EXOC4: variants seen among roughly 807,000 people sequenced by gnomAD.
EXOC4 encodes the protein SEC8-like 1.
A neutral mutation model predicts 107.2 loss-of-function variants in EXOC4; 71 were observed. The ratio of observed to expected loss-of-function variants is 0.66; its 90% CI spans 0.55 to 0.81. EXOC4 has a LOEUF of 0.81. Ranked by LOEUF, EXOC4 falls within the 30% of genes least tolerant of loss-of-function variation. EXOC4 has a pLI of 0.00. For synonymous variants in EXOC4, 456 were observed against 441.2 expected, an observed-to-expected ratio of 1.03 and a Z score of -0.42; for missense variants, 1,108 against 1,189.6, an observed-to-expected ratio of 0.93 and a Z score of 1.01.
chr7:134,000,231 A>G (rs556289478), intron 15 of EXOC4, among the ~76,000 whole-genome samples: 2 of 152,288 alleles, frequency 1.3e-5, no homozygotes, highest in African/African-American at 4.8e-5. Flanking sequence ...CGGATAGTGA[A>G]TGTAGATGCA....
At chr7:133,980,453 T>C (rs1793953046) in intron 14 of EXOC4, among the ~76,000 whole-genome samples, 1 of 152,240 alleles carries the variant, frequency 6.6e-6, no homozygotes, top group South Asian at 2.1e-4. Context: ...AGGCTGAAAA[T>C]GTAGTCACTT....
At chr7:133,825,122 G>A (rs1216096184) in intron 11 of EXOC4, among the ~76,000 whole-genome samples, 1 of 151,750 alleles carries the variant, frequency 6.6e-6, no homozygotes, top group Non-Finnish European at 1.5e-5. Flanking sequence ...GGCCAAGGTG[G>A]GGGTATTGCT....
chr7:133,574,656 G>A lies in EXOC4; in HGVS notation c.1418-55389G>A, dbSNP rs183255547. ...TTTACACGAATGAAGAATGAAGCTC[G>A]TGGTCAGCATGACCATTGCTTCTCA... On this transcript the variant is annotated intron_variant, in intron 9 of 17. Transcript: ENST00000253861. Among the ~76,000 whole-genome samples, 8 of 152,274 alleles carry A rather than the reference G, an allele frequency of 5.3e-5. No homozygotes were observed. In the East Asian group the frequency reaches 1.5e-3, roughly 29 times the overall value.
intron 10 of EXOC4, among the ~76,000 whole-genome samples, chr7:133,772,907 A>G (rs1345641256): frequency 1.3e-5 from 2 of 152,010 alleles, no homozygotes; most frequent in Non-Finnish European, 2.9e-5. Context: ...TAAGCCCTGG[A>G]TGTTTCTGAG....
intron 12 of EXOC4, among the ~76,000 whole-genome samples, chr7:133,914,397 A>G (rs751273291): frequency 4.6e-5 from 7 of 152,146 alleles, no homozygotes; most frequent in African/African-American, 2.4e-5. Flanking sequence ...TCTTCCAGGC[A>G]GGGAGGGAGC....
At chr7:134,064,188 AT>A in intron 17 of EXOC4, 102 bp from the exon 18 acceptor site, 2 of 677,146 alleles carry the variant, frequency 3.0e-6, no homozygotes, top group Non-Finnish European at 4.6e-6. Flanking sequence ...ATCAATCGTT[AT>A]GAAGTAAGTA....
At chr7:133,356,294 G>A (rs989924033) in intron 5 of EXOC4, 36 bp from the exon 6 acceptor site, 29 of 1,607,132 alleles carry the variant, frequency 1.8e-5, no homozygotes, top group Non-Finnish European at 2.5e-5. Flanking sequence ...TTTGAGTGGA[G>A]TCTGTATCTA....
intron 10 of EXOC4, among the ~76,000 whole-genome samples, chr7:133,720,285 T>G (rs985344670): frequency 6.6e-6 from 1 of 152,162 alleles, no homozygotes; most frequent in Non-Finnish European, 1.5e-5. Context: ...TAGTACCTAT[T>G]TTGCCAATAC....
Position 133,917,161 on chromosome 7 carries a change from C to A in EXOC4, c.1872-422C>A, listed in dbSNP as rs76268257. On this transcript the variant is annotated intron_variant, in intron 12 of 17. Transcript: ENST00000253861. Reference sequence around the variant, plus strand: ...TAATTGATAGTTTAAACCAAGGAGTCCAGAGTACAACCTTTTGTAACACTT... The same window carrying A: ...TAATTGATAGTTTAAACCAAGGAGTACAGAGTACAACCTTTTGTAACACTT... Among the ~76,000 whole-genome samples the A allele has an allele frequency of 7.5e-3, 1,135 of 152,252 alleles. 15 individuals carry two copies. The highest frequency in any genetic ancestry group is 0.026 in the African/African-American group (1,085 of 41,528).
At chr7:133,816,327 T>C (rs1797367813) in intron 10 of EXOC4, among the ~76,000 whole-genome samples, 1 of 152,172 alleles carries the variant, frequency 6.6e-6, no homozygotes, top group Admixed American at 6.5e-5. Flanking sequence ...TTAAAAAGAA[T>C]TTAATAATAA....
chr7:134,012,367 G>A (rs992403676), intron 17 of EXOC4, among the ~76,000 whole-genome samples: 2 of 152,164 alleles, frequency 1.3e-5, no homozygotes, highest in Non-Finnish European at 2.9e-5. Context: ...GAGAGGATGA[G>A]ATATGGTCAG....
At chr7:133,406,553 G>T (rs1797225703) in intron 7 of EXOC4, among the ~76,000 whole-genome samples, 1 of 152,042 alleles carries the variant, frequency 6.6e-6, no homozygotes, top group African/African-American at 2.4e-5. Flanking sequence ...AATTTCTTCG[G>T]ATTCTTTCTG....
chr7:133,744,378 A>T (rs1245752405), intron 10 of EXOC4, among the ~76,000 whole-genome samples: 1 of 152,098 alleles, frequency 6.6e-6, no homozygotes, highest in Non-Finnish European at 1.5e-5. Context: ...CCAGGATTTG[A>T]ATCCAGGAGA....
At chr7:133,918,695 C>A (rs947239682) in intron 13 of EXOC4, among the ~76,000 whole-genome samples, 3 of 151,938 alleles carry the variant, frequency 2.0e-5, no homozygotes, top group Non-Finnish European at 2.9e-5. Flanking sequence ...TACTCATTTC[C>A]ATATGGCTGG....
rs550906093 is a variant in EXOC4, at chr7:133,980,343, A to G, written c.2207-17149A>G. Among the ~76,000 whole-genome samples, 4 of 152,374 alleles carry G rather than the reference A, an allele frequency of 2.6e-5. No homozygotes were observed. In the South Asian group the frequency reaches 6.2e-4, roughly 24 times the overall value. On this transcript the variant is annotated intron_variant, in intron 14 of 17. Coordinates refer to ENST00000253861, the MANE Select transcript of EXOC4 (RefSeq NM_021807.4). ...TCCAGGATCCTCACCAGGGGGTTCAATAAAGATCACTTCAATGTGCTGAGC... is the reference window on the plus strand; with the variant it reads ...TCCAGGATCCTCACCAGGGGGTTCAGTAAAGATCACTTCAATGTGCTGAGC...
intron 7 of EXOC4, among the ~76,000 whole-genome samples, chr7:133,474,319 CTT>C (rs1459500253): frequency 2.0e-5 from 3 of 151,612 alleles, no homozygotes; most frequent in African/African-American, 7.3e-5. Flanking sequence ...GATTTTTTAA[CTT>C]TTTAATTTTT....
At chr7:133,282,867 G>A (rs957050272) in intron 2 of EXOC4, among the ~76,000 whole-genome samples, 7 of 152,114 alleles carry the variant, frequency 4.6e-5, no homozygotes, top group African/African-American at 1.7e-4. Context: ...TGTGCAATGG[G>A]TTTCTTGAAC....
At chr7:134,079,526 C>T in the EXOC4 span, among the ~76,000 whole-genome samples, 1 of 152,158 alleles carries the variant, frequency 6.6e-6, no homozygotes, top group Non-Finnish European at 1.5e-5. Flanking sequence ...ACCATCCCTC[C>T]AGTACTATTC....
chr7:133,877,869 T>C (rs1356719604), intron 11 of EXOC4, among the ~76,000 whole-genome samples: 1 of 152,168 alleles, frequency 6.6e-6, no homozygotes, highest in Non-Finnish European at 1.5e-5. Flanking sequence ...CTTCCAAAAC[T>C]CCAAATTCTG....
Sources: allele counts gnomAD v4.1 joint callset (sites outside exome capture counted in the v4.1 genomes callset), GRCh38; gene constraint gnomAD v4.1.1; transcripts MANE v1.5; gene names NCBI Gene and HGNC (gene_info 2026-07-23, HGNC 2026-07-21).